Variants in ATG7 observed in about 807,000 individuals in gnomAD.
ATG7 encodes the protein ubiquitin-like modifier-activating enzyme ATG7.
ATG7 carries 70 observed loss-of-function variants against 82.4 expected under a neutral mutation model. That is an observed-to-expected ratio of 0.85 (90% confidence interval 0.70 to 1.04). ATG7 has a LOEUF of 1.04. Among genes scored for constraint, ATG7 ranks in the 50% least tolerant of loss-of-function variants. ATG7 has a pLI of 0.00. For missense variants in ATG7, 792 were observed against 864.3 expected, an observed-to-expected ratio of 0.92 and a Z score of 1.05; for synonymous variants, 287 against 313.0, an observed-to-expected ratio of 0.92 and a Z score of 0.88.
At chr3:11,550,885 A>G (rs1242327177) in intron 20 of ATG7, among the ~76,000 whole-genome samples, 1 of 151,822 alleles carries the variant, frequency 6.6e-6, no homozygotes, top group Non-Finnish European at 1.5e-5. Context: ...CTCCCAGGCT[A>G]TAATGAGCTT....
chr3:11,325,101 A>T (rs879604185), intron 9 of ATG7, among the ~76,000 whole-genome samples: 53 of 152,230 alleles, frequency 3.5e-4, no homozygotes, highest in African/African-American at 1.2e-3. Context: ...GCCTAGGAAC[A>T]ACAAGCTATA....
chr3:11,309,459 T>TG (rs952883638), intron 7 of ATG7, among the ~76,000 whole-genome samples: 36 of 150,172 alleles, frequency 2.4e-4, no homozygotes, highest in Middle Eastern at 3.4e-3. Flanking sequence ...TGATTTTTTT[T>TG]TTTTGTTTTT....
At chr3:11,436,351 G>T (rs2083367928) in intron 20 of ATG7, among the ~76,000 whole-genome samples, 1 of 152,130 alleles carries the variant, frequency 6.6e-6, no homozygotes, top group African/African-American at 2.4e-5. Context: ...GAAATTAGAA[G>T]CCTCCTACCT....
At chr3:11,479,234 C>T (rs2088641556) in intron 20 of ATG7, among the ~76,000 whole-genome samples, 1 of 152,120 alleles carries the variant, frequency 6.6e-6, no homozygotes, top group Non-Finnish European at 1.5e-5. Context: ...AGAAGACTGG[C>T]ACCTTTCAAA....
At chr3:11,516,626 A>G (rs920765810) in intron 20 of ATG7, among the ~76,000 whole-genome samples, 11 of 152,264 alleles carry the variant, frequency 7.2e-5, no homozygotes, top group African/African-American at 2.4e-4. Flanking sequence ...CTTGATGGTT[A>G]TAGCAGCTTT....
chr3:11,375,044 A>C (rs1490350911), intron 18 of ATG7, among the ~76,000 whole-genome samples: 2 of 146,706 alleles, frequency 1.4e-5, no homozygotes, highest in East Asian at 3.9e-4. Context: ...TCTCTTAAAA[A>C]AAAAAAAAAA....
chr3:11,354,650 C>CAAAAAAAAAAAAAAAAAAAAAAA (rs5846706), intron 14 of ATG7, among the ~76,000 whole-genome samples: 1 of 61,930 alleles, frequency 1.6e-5, no homozygotes. Context: ...TCCATCTCAC[C>CAAAAAAAAAAAAAAAAAAAAAAA]AAAAAAAAAA....
chr3:11,336,680 A>G (rs997091240), intron 11 of ATG7, among the ~76,000 whole-genome samples: 1 of 151,900 alleles, frequency 6.6e-6, no homozygotes, highest in East Asian at 1.9e-4. Flanking sequence ...ATTTTATTTT[A>G]TTTTTTGAGA....
the ATG7 span, chr3:11,568,892 C>T: frequency 7.6e-7 from 1 of 1,319,126 alleles, no homozygotes; most frequent in Non-Finnish European, 9.7e-7. This position sits in a 1 kb window ranked among gnomAD's most constrained non-coding sequence, Gnocchi z 5.9. Flanking sequence ...CCCGGCCCCG[C>T]CCCGGGCCTC....
At chr3:11,475,907 A>C (rs867077715) in intron 20 of ATG7, among the ~76,000 whole-genome samples, 33 of 146,330 alleles carry the variant, frequency 2.3e-4, no homozygotes, top group African/African-American at 4.4e-4. Flanking sequence ...ACACACACAC[A>C]CCCCCTCCCA....
chr3:11,497,393 T>TATATATATATATATATATATATATATATA (rs1553698223), intron 20 of ATG7, among the ~76,000 whole-genome samples: 3 of 47,408 alleles, frequency 6.3e-5, no homozygotes, highest in Admixed American at 2.4e-4. Flanking sequence ...ATATATATAT[T>TATATATATATATATATATATATATATATA]TAGCCAGGCA....
At chr3:11,277,891 A>ACC (rs71626995) in intron 1 of ATG7, among the ~76,000 whole-genome samples, 3,999 of 60,524 alleles carry the variant, frequency 0.066, 389 homozygotes, top group Non-Finnish European at 0.076. Context: ...CCCTTTATAG[A>ACC]CCCCCCCCCC....
chr3:11,278,410 G>T (rs576176760), intron 1 of ATG7, among the ~76,000 whole-genome samples: 2 of 152,130 alleles, frequency 1.3e-5, no homozygotes, highest in Non-Finnish European at 2.9e-5. Context: ...TGAAATCTTC[G>T]CAATTTATGT....
intron 5 of ATG7, among the ~76,000 whole-genome samples, chr3:11,305,825 G>C (rs1947628394): frequency 6.6e-6 from 1 of 152,178 alleles, no homozygotes; most frequent in South Asian, 2.1e-4. Context: ...TCTAGGTTTA[G>C]ATTTCTACTC....
chr3:11,535,399 C>G (rs1228377339), intron 20 of ATG7, among the ~76,000 whole-genome samples: 3 of 152,230 alleles, frequency 2.0e-5, no homozygotes, highest in Non-Finnish European at 4.4e-5. Flanking sequence ...TGGAGGAACC[C>G]TGGCTTTTGT....
chr3:11,375,039 T>TA (rs1201010073), intron 18 of ATG7, among the ~76,000 whole-genome samples: 157 of 4,114 alleles, frequency 0.038, no homozygotes, highest in South Asian at 0.18. Flanking sequence ...TCATCTCTCT[T>TA]AAAAAAAAAA....
At chr3:11,382,112 T>A (rs1007200381) in intron 19 of ATG7, among the ~76,000 whole-genome samples, 1 of 152,242 alleles carries the variant, frequency 6.6e-6, no homozygotes, top group Non-Finnish European at 1.5e-5. Flanking sequence ...TTTGGTAGTT[T>A]TCAGTATGTT....
chr3:11,317,550 G>A (rs1274426989), intron 9 of ATG7, among the ~76,000 whole-genome samples: 1 of 148,588 alleles, frequency 6.7e-6, no homozygotes, highest in African/African-American at 2.5e-5. Flanking sequence ...CGACCACATT[G>A]TCTGATTCCG....
rs955212405 is a variant in ATG7 at position 11,342,412 on chromosome 3, C to T, written c.1125+133C>T. ...TCTCCCTCCCTTCCTTTTTCCTTTT[C>T]TTATCTTTTTAAGTGTAAAAGAAAT... On this transcript the variant is annotated intron_variant, in intron 13 of 20. Transcript: ENST00000693202. The T allele has an allele frequency of 3.3e-6, 4 of 1,215,792 alleles. No homozygotes were observed. The African/African-American group carries it at 4.6e-5, about 14-fold the overall frequency. The allele number at this position is 1,215,792 out of a possible 1,614,324, so 75.3% of individuals were successfully genotyped here. A position where few individuals can be genotyped will look rare whatever the true frequency, so the allele number is the denominator to read the frequency against.
Sources: gnomAD v4.1 joint callset for allele counts (sites outside exome capture counted in the v4.1 genomes callset) on GRCh38, gnomAD v4.1.1 for gene constraint, Gnocchi (gnomAD v3.1) non-coding constraint, MANE v1.5 for transcripts, NCBI Gene and HGNC (gene_info 2026-07-23, HGNC 2026-07-21) for gene names.